Variants in TBL1XR1 observed in about 807,000 individuals in gnomAD.
TBL1XR1 encodes TBL1X/Y related 1.
TBL1XR1 carries 5 observed loss-of-function variants against 66.9 expected under a neutral mutation model. The ratio of observed to expected loss-of-function variants is 0.07; its 90% CI spans 0.04 to 0.16. The LOEUF is 0.16. Ranked by LOEUF, TBL1XR1 falls within the 10% of genes least tolerant of loss-of-function variation. The pLI is 1.00. For synonymous variants in TBL1XR1, 210 were observed against 206.0 expected (o/e 1.02, Z -0.17); for missense variants, 238 against 623.2 (o/e 0.38, Z 6.58).
intron 2 of TBL1XR1, among the ~76,000 whole-genome samples, chr3:177,087,364 A>C (rs1037850355): frequency 6.6e-6 from 1 of 152,234 alleles, no homozygotes; most frequent in East Asian, 1.9e-4. Flanking sequence ...AGGTTGTAAT[A>C]AACTCAAAAT....
In TBL1XR1 at chr3:177,022,162, A is replaced by G. The variant is rs1712462851; in HGVS notation, c.*3336T>C. ...GTGCTTTGTAAGTGAAAAAGTACAA[A>G]TCTTTGGCCTTTCTCTTGACATTTT... is the stretch of plus-strand genomic sequence containing the variant. On this transcript the variant is annotated 3_prime_UTR_variant, in exon 16 of 16. Transcript: ENST00000457928. The G allele has an allele frequency of 6.6e-6, 1 of 152,578 alleles. No homozygotes were observed. Among genetic ancestry groups the G allele is most frequent in the Non-Finnish European group, 1.5e-5 (1 of 67,986 alleles). The allele number at this position is 152,578 out of a possible 1,614,324, so 9.5% of individuals were successfully genotyped here. A position where few individuals can be genotyped will look rare whatever the true frequency, so the allele number is the denominator to read the frequency against.
At chr3:177,081,544 G>GT (rs1721389922) in intron 2 of TBL1XR1, among the ~76,000 whole-genome samples, 1 of 151,770 alleles carries the variant, frequency 6.6e-6, no homozygotes, top group Non-Finnish European at 1.5e-5. Context: ...GAGCCCAGGA[G>GT]TTCTACACCA....
intron 1 of TBL1XR1, among the ~76,000 whole-genome samples, chr3:177,166,737 G>A (rs1732868882): frequency 6.6e-6 from 1 of 152,224 alleles, no homozygotes; most frequent in Non-Finnish European, 1.5e-5. Context: ...CTCTATAGCA[G>A]TGTGAGAATG....
At position 177,024,654 on chromosome 3, in the gene TBL1XR1, G is replaced by C. The variant is rs959022530; in HGVS notation, c.*844C>G. 2.5e-5 allele frequency: 2 copies of C among 78,608 alleles called. No individual in the cohort carries two copies. The highest frequency in any genetic ancestry group is 4.9e-5 in the Non-Finnish European group (2 of 40,544). The allele number at this position is 78,608 out of a possible 1,614,324, so 4.9% of individuals were successfully genotyped here. A position where few individuals can be genotyped will look rare whatever the true frequency, so the allele number is the denominator to read the frequency against. ...GTGCCCTTCTAGTCTTTAATTGGCA[G>C]AAATATGTCCCAAAAAAGAAACTAT... On this transcript the variant is annotated 3_prime_UTR_variant, in exon 16 of 16. Coordinates refer to ENST00000457928, the MANE Select transcript of TBL1XR1 (RefSeq NM_024665.7).
intron 1 of TBL1XR1, among the ~76,000 whole-genome samples, chr3:177,130,197 C>A (rs1383170860): frequency 2.0e-5 from 3 of 149,962 alleles, no homozygotes; most frequent in Non-Finnish European, 4.5e-5. Context: ...AATAAAAATG[C>A]ACATATCCTT....
chr3:177,030,844 G>GCT (rs1313172551), intron 14 of TBL1XR1, among the ~76,000 whole-genome samples: 2 of 152,292 alleles, frequency 1.3e-5, no homozygotes, highest in African/African-American at 4.8e-5. Flanking sequence ...GGGCATGGTG[G>GCT]CTCACACCTG....
At chr3:177,090,257 C>T (rs986588151) in intron 2 of TBL1XR1, among the ~76,000 whole-genome samples, 5 of 152,140 alleles carry the variant, frequency 3.3e-5, no homozygotes, top group Non-Finnish European at 7.4e-5. Flanking sequence ...ATTTTTAAAA[C>T]TTGGTTACTT....
chr3:177,037,102 C>T (rs1714901857), intron 12 of TBL1XR1, among the ~76,000 whole-genome samples: 1 of 152,118 alleles, frequency 6.6e-6, no homozygotes, highest in Admixed American at 6.5e-5. Context: ...TAGGCTCGCT[C>T]ACTGAGAGAT....
intron 1 of TBL1XR1, among the ~76,000 whole-genome samples, chr3:177,107,319 C>T (rs892538845): frequency 3.9e-5 from 6 of 152,256 alleles, no homozygotes; most frequent in African/African-American, 7.2e-5. Context: ...TACAGATTCA[C>T]GTGAAAAAAA....
chr3:177,198,660 C>A (rs1209515509), upstream of TBL1XR1, among the ~76,000 whole-genome samples: 1 of 152,150 alleles, frequency 6.6e-6, no homozygotes, highest in South Asian at 2.1e-4. Flanking sequence ...ACTGGAGAAG[C>A]AGCCACCCTT....
intron 9 of TBL1XR1, among the ~76,000 whole-genome samples, chr3:177,046,707 T>TC (rs1350020406): frequency 1.3e-5 from 2 of 152,102 alleles, no homozygotes; most frequent in African/African-American, 4.8e-5. Context: ...TCACTTTTCT[T>TC]CCCCTTTTGC....
intron 1 of TBL1XR1, among the ~76,000 whole-genome samples, chr3:177,145,463 AT>A (rs1162847452): frequency 6.6e-6 from 1 of 152,212 alleles, no homozygotes; most frequent in Non-Finnish European, 1.5e-5. Flanking sequence ...AGATAGAAAA[AT>A]AACAGCCTCT....
chr3:177,183,510 G>A (rs545232876), intron 1 of TBL1XR1, among the ~76,000 whole-genome samples: 3 of 152,178 alleles, frequency 2.0e-5, no homozygotes, highest in East Asian at 3.9e-4. Flanking sequence ...ATTCCACTCC[G>A]GAAAGCAAAA....
At chr3:177,070,760 C>T (rs532135478) in intron 2 of TBL1XR1, among the ~76,000 whole-genome samples, 3 of 151,982 alleles carry the variant, frequency 2.0e-5, no homozygotes, top group Admixed American at 1.3e-4. Context: ...ATGGGAGAAT[C>T]GCTTGAACCC....
chr3:177,068,609 C>T (rs944524217), intron 2 of TBL1XR1, among the ~76,000 whole-genome samples: 1 of 152,144 alleles, frequency 6.6e-6, no homozygotes, highest in African/African-American at 2.4e-5. Context: ...AGCATATACT[C>T]GCTGGACAAC....
chr3:177,036,548 C>A (rs559736869), intron 12 of TBL1XR1, among the ~76,000 whole-genome samples: 10 of 152,258 alleles, frequency 6.6e-5, no homozygotes, highest in Non-Finnish European at 1.3e-4. Context: ...GCCCTCTGGA[C>A]ACTGCCCTTC....
intron 5 of TBL1XR1, 97 bp downstream of exon 5, chr3:177,051,407 T>C: frequency 9.1e-7 from 1 of 1,093,818 alleles, no homozygotes; most frequent in Non-Finnish European, 1.3e-6. Flanking sequence ...TATGAGTTCA[T>C]CTATATAACA....
At chr3:177,138,669 A>C (rs1729279233) in intron 1 of TBL1XR1, among the ~76,000 whole-genome samples, 2 of 152,140 alleles carry the variant, frequency 1.3e-5, no homozygotes, top group Admixed American at 6.5e-5. Flanking sequence ...CAGGTTGGAG[A>C]GAGCAGTACA....
intron 7 of TBL1XR1, among the ~76,000 whole-genome samples, 192 bp downstream of exon 7, chr3:177,049,805 C>T (rs904124382): frequency 6.6e-6 from 1 of 152,142 alleles, no homozygotes; most frequent in African/African-American, 2.4e-5. Flanking sequence ...GGATGTTGAA[C>T]CTTGGTCTGA....
Sources: allele counts gnomAD v4.1 joint callset (sites outside exome capture counted in the v4.1 genomes callset), GRCh38; gene constraint gnomAD v4.1.1; transcripts MANE v1.5; gene names NCBI Gene and HGNC (gene_info 2026-07-23, HGNC 2026-07-21).